The following WDR12 variants were observed in gnomAD, a reference collection of about 807,000 sequenced individuals.
WDR12 encodes WD repeat domain 12.
In WDR12, 42 loss-of-function variants were observed where a neutral mutation model predicts 64.3. The ratio of observed to expected loss-of-function variants is 0.65; its 90% confidence interval spans 0.51 to 0.84. The LOEUF (loss-of-function observed/expected upper bound fraction) is 0.84, where lower values mean the gene tolerates loss of function less well. WDR12 is among the 40% of genes least tolerant of loss of function. The pLI is 0.00. For missense variants in WDR12, 469 were observed against 494.6 expected (o/e 0.95, Z 0.49); for synonymous variants, 158 against 173.3 (o/e 0.91, Z 0.70).
rs1308075397 is a variant in WDR12, at chr2:202,875,213, A to C, written c.*5647T>G. 6.6e-6 allele frequency: 1 copy of C among 152,186 alleles called. No homozygotes were observed. Among genetic ancestry groups the C allele is most frequent in the Non-Finnish European group, 1.5e-5 (1 of 68,036 alleles). 9.4% of individuals were successfully genotyped at this position (152,186 alleles called of 1,614,324 possible). A position where few individuals can be genotyped will look rare whatever the true frequency, so the allele number is the denominator to read the frequency against. ...ATTTCTAAAATTCATTTTTGCTTATATACAATTCCTATTAGAATATACAGA... is the reference window on the plus strand; with the variant it reads ...ATTTCTAAAATTCATTTTTGCTTATCTACAATTCCTATTAGAATATACAGA... On this transcript the variant is annotated 3_prime_UTR_variant, in exon 13 of 13. Transcript: ENST00000261015.
chr2:202,903,661 C>T (rs1688398178), intron 2 of WDR12, among the ~76,000 whole-genome samples: 1 of 152,036 alleles, frequency 6.6e-6, no homozygotes, highest in Admixed American at 6.5e-5. Flanking sequence ...CCAATTAGGA[C>T]TGATAAATTC....
intron 1 of WDR12, among the ~76,000 whole-genome samples, chr2:202,909,592 T>C (rs1688528021): frequency 6.6e-6 from 1 of 152,148 alleles, no homozygotes; most frequent in South Asian, 2.1e-4. Context: ...GTGGTGATGG[T>C]TGCACAACTT....
At chr2:202,897,021 AAC>A (rs1688256978) in intron 5 of WDR12, among the ~76,000 whole-genome samples, 1 of 152,104 alleles carries the variant, frequency 6.6e-6, no homozygotes, top group Non-Finnish European at 1.5e-5. Flanking sequence ...AAAACAAACA[AAC>A]AAAAACAGAA....
chr2:202,900,210 A>G (rs1165668071), intron 3 of WDR12, among the ~76,000 whole-genome samples: 1 of 151,958 alleles, frequency 6.6e-6, no homozygotes, highest in African/African-American at 2.4e-5. Flanking sequence ...GATGCCTGCA[A>G]TCCCACTACT....
chr2:202,907,753 T>A, intron 2 of WDR12, 112 bp downstream of exon 2: 1 of 776,978 alleles, frequency 1.3e-6, no homozygotes, highest in Admixed American at 2.3e-5. Flanking sequence ...ACTTACAAAT[T>A]TTACCACTAC....
chr2:202,894,220 AT>A (rs146561964), intron 7 of WDR12, among the ~76,000 whole-genome samples: 13,452 of 148,384 alleles, frequency 0.091, 728 homozygotes, highest in Non-Finnish European at 0.13. Context: ...CACTAAACTG[AT>A]TTTTTTTTTT....
rs771142933 is a variant in WDR12, at chr2:202,901,049, G to T, written c.207C>A (p.His69Gln). 3 of 1,593,552 alleles carry T rather than the reference G, an allele frequency of 1.9e-6. No individual in the cohort carries two copies. Among genetic ancestry groups the T allele is most frequent in the Middle Eastern group, 3.4e-4 (2 of 5,870 alleles). The stretch of plus-strand genomic sequence containing the variant: ...CTGATGAGATGTTCTCCATTTCCAT[G>T]TGTTTGTCCAAGGGCATTCGCAGAA... ...GQFLRMPLDK[H>Q]MEMENISSEE... is the part of the protein sequence containing the mutation. Residue 69 changes from histidine to glutamine, a missense_variant, in exon 3 of 13, where the codon CAC (histidine) becomes CAA (glutamine). Physicochemically the swap from His to Gln is conservative, Grantham distance 24. Coordinates refer to ENST00000261015, the MANE Select transcript of WDR12 (RefSeq NM_018256.4).
intron 8 of WDR12, among the ~76,000 whole-genome samples, chr2:202,887,745 G>A (rs565085924): frequency 4.0e-5 from 6 of 151,200 alleles, no homozygotes; most frequent in South Asian, 4.2e-4. Context: ...AAAATTAGCC[G>A]GGCGCGGTGG....
chr2:202,890,305 T>G (rs1688131689), intron 8 of WDR12, among the ~76,000 whole-genome samples: 2 of 152,082 alleles, frequency 1.3e-5, no homozygotes, highest in South Asian at 4.1e-4. Flanking sequence ...CTTACAGATA[T>G]CATATGAAAT....
At chr2:202,887,506 AGAG>A (rs1688068551) in intron 8 of WDR12, among the ~76,000 whole-genome samples, 1 of 152,206 alleles carries the variant, frequency 6.6e-6, no homozygotes, top group African/African-American at 2.4e-5. Context: ...GGAACCTGAT[AGAG>A]GAGTGAGAAA....
chr2:202,882,296 TA>T (rs1687963354), intron 12 of WDR12, among the ~76,000 whole-genome samples: 1 of 151,826 alleles, frequency 6.6e-6, no homozygotes, highest in Non-Finnish European at 1.5e-5. Context: ...TTAAGTGAAA[TA>T]ATACAGAATT....
chr2:202,892,169 G>A (rs1376801572), intron 8 of WDR12, among the ~76,000 whole-genome samples: 3 of 152,262 alleles, frequency 2.0e-5, no homozygotes, highest in Middle Eastern at 6.8e-3. Flanking sequence ...GAATCTAACA[G>A]CTAAATGACA....
chr2:202,884,411 C>T lies in WDR12; in HGVS notation c.866G>A (p.Ser289Asn). The change falls in exon 9 of 13, where the codon AGT becomes AAT. Residue 289 changes from serine (S) to asparagine (N), a missense_variant. Transcript: ENST00000261015. ...TIRVWDVESG[S>N]LKSTLTGNKV... The stretch of plus-strand genomic sequence containing the variant: ...TTGTCTTACCAAAGTTGACTTAAGA[C>T]TGCCAGACTCAACATCCCACACTCT... 1.2e-6 allele frequency: 2 copies of T among 1,614,110 alleles called. No individual in the cohort carries two copies. Among genetic ancestry groups the T allele is most frequent in the Non-Finnish European group, 1.7e-6 (2 of 1,180,032 alleles).
At chr2:202,900,881 C>T in intron 3 of WDR12, 144 bp downstream of exon 3, 1 of 552,118 alleles carries the variant, frequency 1.8e-6, no homozygotes, top group Non-Finnish European at 3.1e-6. Context: ...ACACACAATA[C>T]ATAACACACA....
chr2:202,908,302 G>A, intron 1 of WDR12, among the ~76,000 whole-genome samples: 1 of 152,294 alleles, frequency 6.6e-6, no homozygotes, highest in South Asian at 2.1e-4. Context: ...ATTTAGAAAA[G>A]TGATTAGCCA....
chr2:202,904,170 G>GAA (rs1688411759), intron 2 of WDR12, among the ~76,000 whole-genome samples: 1 of 107,056 alleles, frequency 9.3e-6, no homozygotes, highest in Non-Finnish European at 2.0e-5. Flanking sequence ...AAAAAGAAAA[G>GAA]AAAAAGAAAA....
intron 2 of WDR12, among the ~76,000 whole-genome samples, chr2:202,906,929 C>G (rs114899426): frequency 0.089 from 13,500 of 151,870 alleles, 733 homozygotes; most frequent in Non-Finnish European, 0.12. Context: ...ATATAAGGAG[C>G]CTCCTTACAC....
chr2:202,899,194 C>G (rs1034282471), intron 4 of WDR12, among the ~76,000 whole-genome samples: 1 of 151,738 alleles, frequency 6.6e-6, no homozygotes, highest in African/African-American at 2.4e-5. Flanking sequence ...AGGCGCCCAC[C>G]ACCACGCCCG....
intron 2 of WDR12, 102 bp downstream of exon 2, chr2:202,907,763 C>T (rs910804690): frequency 3.4e-6 from 3 of 873,846 alleles, no homozygotes; most frequent in Admixed American, 2.2e-5. Flanking sequence ...TTTACCACTA[C>T]AAAATTCATA....
Sources: gnomAD v4.1 joint callset for allele counts (sites outside exome capture counted in the v4.1 genomes callset) on GRCh38, gnomAD v4.1.1 for gene constraint, MANE v1.5 for transcripts, NCBI Gene and HGNC (gene_info 2026-07-23, HGNC 2026-07-21) for gene names.